LRFN2: variants seen among roughly 807,000 people sequenced by gnomAD.
The protein encoded by LRFN2 is leucine-rich repeat and fibronectin type-III domain-containing protein 2.
LRFN2 carries 18 observed loss-of-function variants against 37.3 expected under a neutral mutation model. The ratio of observed to expected loss-of-function variants is 0.48; its 90% CI spans 0.33 to 0.72. The LOEUF is 0.72. LRFN2 is among the 30% of genes least tolerant of loss of function. LRFN2 has a pLI of 0.02. For missense variants in LRFN2, 1,006 were observed against 1,060.7 expected (o/e 0.95, Z 0.72); for synonymous variants, 556 against 466.6 (o/e 1.19, Z -2.47).
At chr6:40,451,494 C>T (rs1346832127) in intron 1 of LRFN2, among the ~76,000 whole-genome samples, 2 of 152,208 alleles carry the variant, frequency 1.3e-5, no homozygotes, top group Non-Finnish European at 2.9e-5. Context: ...GAGACAAGCT[C>T]TTCCCCTGGG....
intron 1 of LRFN2, among the ~76,000 whole-genome samples, chr6:40,494,496 A>G (rs1765175611): frequency 6.6e-6 from 1 of 152,200 alleles, no homozygotes; most frequent in Non-Finnish European, 1.5e-5. Flanking sequence ...AAATTCCAAG[A>G]ATTAAAGATT....
intron 1 of LRFN2, chr6:40,517,525 C>A (rs1215512609): frequency 6.6e-6 from 1 of 152,200 alleles, no homozygotes; most frequent in Non-Finnish European, 1.5e-5. Flanking sequence ...TGGACAAAGG[C>A]AGAGAAGTTC....
chr6:40,451,505 G>A (rs1357455513), intron 1 of LRFN2, among the ~76,000 whole-genome samples: 4 of 152,176 alleles, frequency 2.6e-5, no homozygotes, highest in African/African-American at 9.7e-5. Context: ...TTCCCCTGGG[G>A]GAAGCAGCAT....
rs143364022 is a variant in LRFN2 at position 40,458,326 on chromosome 6, C to T, written c.-18-25195G>A. 3.0e-4 allele frequency among the ~76,000 whole-genome samples: 45 copies of T among 152,310 alleles called. No individual in the cohort carries two copies. In the East Asian group the frequency reaches 8.3e-3, roughly 28 times the overall value. ...ATGATTTCACTGCAATTGGTGCAGG[C>T]AGTGATAAGCCTCACACATTAGGGA... is the stretch of plus-strand genomic sequence containing the variant. On this transcript the variant is annotated intron_variant, in intron 1 of 2. Transcript: ENST00000338305.
At chr6:40,408,945 T>C (rs1396642779) in intron 2 of LRFN2, among the ~76,000 whole-genome samples, 1 of 152,236 alleles carries the variant, frequency 6.6e-6, no homozygotes, top group East Asian at 1.9e-4. Context: ...CAGCATTTGG[T>C]CTGATAAGGG....
intron 1 of LRFN2, among the ~76,000 whole-genome samples, chr6:40,552,098 C>T (rs979416607): frequency 4.6e-5 from 7 of 152,170 alleles, no homozygotes; most frequent in Non-Finnish European, 1.0e-4. Context: ...TCTCTAACAC[C>T]GTGGTTCTCA....
intron 1 of LRFN2, among the ~76,000 whole-genome samples, chr6:40,456,983 C>T (rs1400311383): frequency 6.6e-6 from 1 of 152,100 alleles, no homozygotes; most frequent in Non-Finnish European, 1.5e-5. Flanking sequence ...CATCTTTCAG[C>T]TCAGTGAAGG....
chr6:40,457,664 G>A (rs912426089), intron 1 of LRFN2, among the ~76,000 whole-genome samples: 3 of 145,550 alleles, frequency 2.1e-5, no homozygotes, highest in Admixed American at 6.9e-5. Flanking sequence ...AAAAAAGAGA[G>A]GGAGAGAAAG....
intron 2 of LRFN2, among the ~76,000 whole-genome samples, chr6:40,410,088 G>A (rs1001892127): frequency 1.3e-5 from 2 of 152,126 alleles, no homozygotes; most frequent in Non-Finnish European, 2.9e-5. Flanking sequence ...GGGCAGCTGG[G>A]AAGCCCCACT....
At chr6:40,477,741 A>T (rs1423199249) in intron 1 of LRFN2, among the ~76,000 whole-genome samples, 8 of 152,132 alleles carry the variant, frequency 5.3e-5, no homozygotes, top group African/African-American at 1.9e-4. Flanking sequence ...AAGAGACCCC[A>T]GCTGGAAGCG....
At chr6:40,549,273 C>A (rs364494) in intron 1 of LRFN2, among the ~76,000 whole-genome samples, 14,290 of 152,160 alleles carry the variant, frequency 0.094, 797 homozygotes, top group Non-Finnish European at 0.12. Context: ...TAATTTGCGC[C>A]AAGATGTCAA....
At chr6:40,483,485 C>G (rs1438095315) in intron 1 of LRFN2, among the ~76,000 whole-genome samples, 1 of 152,216 alleles carries the variant, frequency 6.6e-6, no homozygotes, top group Non-Finnish European at 1.5e-5. Flanking sequence ...GCCTTGACCT[C>G]TGATGGGAAG....
At chr6:40,569,419 G>T (rs1397073249) in intron 1 of LRFN2, among the ~76,000 whole-genome samples, 7 of 152,110 alleles carry the variant, frequency 4.6e-5, no homozygotes, top group African/African-American at 1.4e-4. Context: ...AGGCCAACAG[G>T]GTGTGGACTA....
intron 1 of LRFN2, among the ~76,000 whole-genome samples, chr6:40,494,906 C>G (rs1436914584): frequency 6.6e-6 from 1 of 152,200 alleles, no homozygotes; most frequent in Non-Finnish European, 1.5e-5. Flanking sequence ...AACCCAAAAA[C>G]CATCCTCTTC....
rs1011570853 is a variant in LRFN2 at position 40,391,733 on chromosome 6, C to T, written c.*210G>A. ...CTCAGGGCTCAGTCCGGCATTTGAG[C>T]GAGTCCACATTCCCTGAGCACACCC... On this transcript the variant is annotated 3_prime_UTR_variant, in exon 3 of 3. Coordinates refer to ENST00000338305, the MANE Select transcript of LRFN2 (RefSeq NM_020737.3). 4.4e-6 allele frequency: 2 copies of T among 454,274 alleles called. No homozygotes were observed. Among genetic ancestry groups the T allele is most frequent in the African/African-American group, 2.0e-5 (1 of 49,144 alleles). 28.1% of individuals were successfully genotyped at this position (454,274 alleles called of 1,614,324 possible).
chr6:40,571,946 G>A, intron 1 of LRFN2, among the ~76,000 whole-genome samples: 1 of 152,296 alleles, frequency 6.6e-6, no homozygotes, highest in Middle Eastern at 3.4e-3. Context: ...CTCTCTGGAG[G>A]TTCTGAAGCT....
intron 1 of LRFN2, among the ~76,000 whole-genome samples, chr6:40,491,564 G>A (rs1264809970): frequency 6.9e-6 from 1 of 145,372 alleles, no homozygotes; most frequent in Non-Finnish European, 1.5e-5. Context: ...TACCCTCTCT[G>A]AGTGTGTTTC....
intron 2 of LRFN2, among the ~76,000 whole-genome samples, chr6:40,414,363 C>G (rs2113807930): frequency 6.6e-6 from 1 of 152,282 alleles, no homozygotes; most frequent in South Asian, 2.1e-4. Context: ...GGCTTCTTCA[C>G]CAGGCCATGC....
chr6:40,528,706 A>G (rs180904315), intron 1 of LRFN2, among the ~76,000 whole-genome samples: 2 of 152,342 alleles, frequency 1.3e-5, no homozygotes, highest in Non-Finnish European at 2.9e-5. Context: ...CTAGGAGTGT[A>G]CTGAATGCTA....
Sources: allele counts gnomAD v4.1 joint callset (sites outside exome capture counted in the v4.1 genomes callset), GRCh38; gene constraint gnomAD v4.1.1; transcripts MANE v1.5; gene names NCBI Gene and HGNC (gene_info 2026-07-23, HGNC 2026-07-21).